CDKL1: variants seen among roughly 807,000 people sequenced by gnomAD.
CDKL1 encodes the protein cyclin dependent kinase like 1, also known as cyclin-dependent kinase-like 1.
CDKL1 carries 41 observed loss-of-function variants against 42.0 expected under a neutral mutation model. The observed-to-expected ratio is 0.98, with a 90% CI of 0.76 to 1.27. CDKL1 has a LOEUF of 1.27. Among genes scored for constraint, CDKL1 ranks in the 50% most tolerant of loss-of-function variants. The pLI, the probability that CDKL1 is intolerant of heterozygous loss-of-function variation, is 0.00. For synonymous variants in CDKL1, 153 were observed against 158.6 expected (o/e 0.96, Z 0.26); for missense variants, 394 against 428.4 (o/e 0.92, Z 0.71).
At chr14:50,354,815 T>C (rs535404503) in intron 3 of CDKL1, among the ~76,000 whole-genome samples, 1 of 152,322 alleles carries the variant, frequency 6.6e-6, no homozygotes, top group African/African-American at 2.4e-5. Context: ...GAAGATGAAT[T>C]AGTGTCCATT....
intron 3 of CDKL1, among the ~76,000 whole-genome samples, chr14:50,348,779 A>G (rs2033809194): frequency 6.6e-6 from 1 of 152,232 alleles, no homozygotes; most frequent in African/African-American, 2.4e-5. Context: ...GAAGACCAGA[A>G]CAAACAGAAA....
rs1429786644 is a variant in CDKL1 at position 50,350,908 on chromosome 14, G to A, written c.291-5850C>T. On this transcript the variant is annotated intron_variant, in intron 3 of 9. Transcript: ENST00000395834. Reference sequence around the variant, plus strand: ...AGCTCCCCAGAGGCACTCCTTCTGGGGAGGGCAGAATGGAATCCATCTTTC... The same window carrying A: ...AGCTCCCCAGAGGCACTCCTTCTGGAGAGGGCAGAATGGAATCCATCTTTC... Among the ~76,000 whole-genome samples the A allele has an allele frequency of 2.6e-5, 4 of 152,146 alleles. No individual in the cohort carries two copies. The East Asian group carries it at 7.7e-4, about 29-fold the overall frequency.
At chr14:50,342,528 AT>A (rs1478840495) in intron 4 of CDKL1, 4 of 723,392 alleles carry the variant, frequency 5.5e-6, no homozygotes, top group Middle Eastern at 6.1e-4. Context: ...TAAACAAATA[AT>A]TTTTTTAGGA....
intron 2 of CDKL1, among the ~76,000 whole-genome samples, chr14:50,382,204 G>A (rs1177395549): frequency 6.6e-6 from 1 of 152,176 alleles, no homozygotes; most frequent in Non-Finnish European, 1.5e-5. Flanking sequence ...TGTAATCCCA[G>A]CACTGTGGGA....
At chr14:50,353,366 A>G (rs929295760) in intron 3 of CDKL1, among the ~76,000 whole-genome samples, 3 of 152,208 alleles carry the variant, frequency 2.0e-5, no homozygotes, top group Admixed American at 6.5e-5. Context: ...AGCATTCTCA[A>G]TTACAGAAGT....
intron 3 of CDKL1, chr14:50,358,189 C>T: frequency 7.9e-7 from 1 of 1,263,246 alleles, no homozygotes; most frequent in Non-Finnish European, 1.0e-6. Context: ...CCCGGAGTCA[C>T]TCCCACCCTT....
intron 2 of CDKL1, among the ~76,000 whole-genome samples, chr14:50,378,749 T>C (rs1274435844): frequency 6.6e-6 from 1 of 152,116 alleles, no homozygotes; most frequent in Non-Finnish European, 1.5e-5. Context: ...CTTGCTCAGG[T>C]TGGTCTCAAA....
intron 2 of CDKL1, chr14:50,364,056 A>C (rs1282508358): frequency 6.6e-6 from 1 of 152,306 alleles, no homozygotes; most frequent in Non-Finnish European, 1.5e-5. Flanking sequence ...CTGGGCACCC[A>C]AGCAAGGAGT....
At chr14:50,347,882 A>G (rs1416362667) in intron 3 of CDKL1, among the ~76,000 whole-genome samples, 1 of 152,210 alleles carries the variant, frequency 6.6e-6, no homozygotes, top group Non-Finnish European at 1.5e-5. Flanking sequence ...AGGGCACCTG[A>G]GTTGAGAGCA....
chr14:50,347,483 C>G (rs931533076), intron 3 of CDKL1, among the ~76,000 whole-genome samples: 1 of 151,986 alleles, frequency 6.6e-6, no homozygotes, highest in African/African-American at 2.4e-5. Flanking sequence ...CAGATTTGGG[C>G]TATATTTTTA....
intron 7 of CDKL1, chr14:50,335,415 C>T (rs2033209847): frequency 7.3e-7 from 1 of 1,378,098 alleles, no homozygotes. Flanking sequence ...CTGGAATAAA[C>T]ACTGTTGTCT....
intron 2 of CDKL1, among the ~76,000 whole-genome samples, chr14:50,360,453 G>T (rs1049901539): frequency 2.0e-5 from 3 of 151,994 alleles, no homozygotes; most frequent in South Asian, 2.1e-4. Context: ...TATTGCCCAG[G>T]CTGGAGTGCA....
At chr14:50,378,221 G>A (rs753577332) in intron 2 of CDKL1, 4 of 1,366,364 alleles carry the variant, frequency 2.9e-6, no homozygotes, top group African/African-American at 1.5e-5. Context: ...TGCCTCCTTA[G>A]GAGGGGGATG....
intron 2 of CDKL1, among the ~76,000 whole-genome samples, chr14:50,389,564 A>G (rs2139544505): frequency 6.6e-6 from 1 of 152,200 alleles, no homozygotes; most frequent in East Asian, 1.9e-4. Flanking sequence ...TTACGTTGTG[A>G]TATTTATAAT....
rs373476636 is a variant in CDKL1 at position 50,364,216 on chromosome 14, T to C, written c.169-5067A>G. ...TGGGCGTGGTGACTCATGCCTGTAA[T>C]CCCAGCACTTTGGGAGGCCAAGGCA... On this transcript the variant is annotated intron_variant, in intron 2 of 9. Transcript: ENST00000395834. 1.8e-4 allele frequency among the ~76,000 whole-genome samples: 27 copies of C among 152,358 alleles called. No individual in the cohort carries two copies. The South Asian group carries it at 5.2e-3, about 29-fold the overall frequency.
At chr14:50,350,402 C>A (rs138806528) in intron 3 of CDKL1, among the ~76,000 whole-genome samples, 1 of 152,300 alleles carries the variant, frequency 6.6e-6, no homozygotes, top group Non-Finnish European at 1.5e-5. Context: ...CCTTTAATAG[C>A]TCTTCTAGCT....
At chr14:50,371,686 G>A (rs2034595374) in intron 2 of CDKL1, among the ~76,000 whole-genome samples, 1 of 152,218 alleles carries the variant, frequency 6.6e-6, no homozygotes, top group Non-Finnish European at 1.5e-5. Context: ...GCAGGAGCTG[G>A]GAACAGATGG....
At chr14:50,376,406 G>C (rs779602117) in intron 2 of CDKL1, 7 of 470,310 alleles carry the variant, frequency 1.5e-5, no homozygotes, top group Admixed American at 4.7e-5. Flanking sequence ...TCCATACCAG[G>C]ATTCCAGCAC....
chr14:50,342,074 G>A, intron 5 of CDKL1, 58 bp downstream of exon 5: 1 of 1,310,644 alleles, frequency 7.6e-7, no homozygotes, highest in East Asian at 2.3e-5. Context: ...TAGATCCTTT[G>A]TTGTATCAAG....
Sources: allele counts gnomAD v4.1 joint callset (sites outside exome capture counted in the v4.1 genomes callset), GRCh38; gene constraint gnomAD v4.1.1; transcripts MANE v1.5; gene names NCBI Gene and HGNC (gene_info 2026-07-23, HGNC 2026-07-21).